BABAM2: variants seen among roughly 807,000 people sequenced by gnomAD.
BABAM2 encodes BRISC and BRCA1-A complex member 2.
Under a neutral mutation model 54.7 loss-of-function variants are expected in BABAM2, and 31 were observed. The ratio of observed to expected loss-of-function variants is 0.57; its 90% confidence interval spans 0.43 to 0.77. The LOEUF (loss-of-function observed/expected upper bound fraction) is 0.77. Ranked by LOEUF, BABAM2 falls within the 30% of genes least tolerant of loss-of-function variation. The pLI, the probability that BABAM2 is intolerant of heterozygous loss-of-function variation, is 0.00. For synonymous variants in BABAM2, 167 were observed against 162.9 expected (o/e 1.03, Z -0.19); for missense variants, 364 against 455.8 (o/e 0.80, Z 1.83).
chr2:28,235,849 G>A (rs1259582452), intron 7 of BABAM2, among the ~76,000 whole-genome samples: 5 of 151,346 alleles, frequency 3.3e-5, no homozygotes, highest in Admixed American at 6.6e-5. Context: ...TTGTAGAGAC[G>A]AAGTCTTCCT....
chr2:28,207,333 G>A (rs1230000717), intron 7 of BABAM2, among the ~76,000 whole-genome samples: 1 of 100,488 alleles, frequency 1.0e-5, no homozygotes, highest in African/African-American at 3.7e-5. Context: ...GCAAGACCTC[G>A]TCTCTAGTTT....
chr2:28,242,537 T>G (rs1307421400), intron 9 of BABAM2, among the ~76,000 whole-genome samples: 2 of 152,208 alleles, frequency 1.3e-5, no homozygotes, highest in Non-Finnish European at 2.9e-5. Context: ...ACTAAGGATT[T>G]TAGAGGTCTG....
At chr2:27,988,291 G>A (rs1672544317) in intron 4 of BABAM2, among the ~76,000 whole-genome samples, 1 of 152,022 alleles carries the variant, frequency 6.6e-6, no homozygotes, top group Admixed American at 6.6e-5. Flanking sequence ...TTTAGTTTCA[G>A]GGTATTTCGA....
chr2:28,026,796 TATATAAAAA>T (rs1200408061), intron 5 of BABAM2, among the ~76,000 whole-genome samples: 23 of 86,724 alleles, frequency 2.7e-4, no homozygotes, highest in Middle Eastern at 5.7e-3. Flanking sequence ...AATATATATT[TATATAAAAA>T]ATATATAAAT....
At chr2:28,295,717 G>A (rs890616966) in intron 10 of BABAM2, among the ~76,000 whole-genome samples, 6 of 151,972 alleles carry the variant, frequency 3.9e-5, no homozygotes, top group Non-Finnish European at 7.4e-5. Flanking sequence ...GGCTGGTCTC[G>A]AACTCCTCAC....
intron 11 of BABAM2, among the ~76,000 whole-genome samples, chr2:28,335,042 T>A (rs1374210174): frequency 6.6e-6 from 1 of 152,200 alleles, no homozygotes; most frequent in Non-Finnish European, 1.5e-5. Context: ...AGGGTGCTTT[T>A]TCTTACTAAC....
intron 4 of BABAM2, among the ~76,000 whole-genome samples, chr2:28,007,287 CAT>C (rs1674047375): frequency 6.6e-6 from 1 of 152,056 alleles, no homozygotes; most frequent in Non-Finnish European, 1.5e-5. Flanking sequence ...TATATTTACT[CAT>C]GTGCACAGGT....
intron 3 of BABAM2, among the ~76,000 whole-genome samples, chr2:27,931,684 A>AGTACCTG (rs1486837861): frequency 6.6e-6 from 1 of 152,132 alleles, no homozygotes; most frequent in South Asian, 2.1e-4. Context: ...ATTCTTAGTA[A>AGTACCTG]GTACCTGGTA....
intron 3 of BABAM2, among the ~76,000 whole-genome samples, chr2:27,983,942 C>CTATTTTTTTTTTTTTTTTT (rs1553405758): frequency 3.2e-5 from 1 of 31,138 alleles, no homozygotes; most frequent in Non-Finnish European, 6.5e-5. Context: ...CATTTTGTAC[C>CTATTTTTTTTTTTTTTTTT]TTTTTTTTTT....
chr2:28,249,461 A>G (rs2148095695), intron 10 of BABAM2, among the ~76,000 whole-genome samples: 1 of 152,286 alleles, frequency 6.6e-6, no homozygotes, highest in Middle Eastern at 3.4e-3. Flanking sequence ...CAGCAGAGAC[A>G]GTATATGGTT....
At chr2:27,989,100 A>G (rs1341418783) in intron 4 of BABAM2, among the ~76,000 whole-genome samples, 1 of 152,106 alleles carries the variant, frequency 6.6e-6, no homozygotes, top group African/African-American at 2.4e-5. Flanking sequence ...ATTGAACATC[A>G]GCTGTAATTT....
chr2:28,118,718 T>C (rs1431251015), intron 6 of BABAM2, among the ~76,000 whole-genome samples: 1 of 151,904 alleles, frequency 6.6e-6, no homozygotes, highest in Admixed American at 6.6e-5. Flanking sequence ...AGAAGCTCTT[T>C]AGTTTAATTA....
At chr2:28,078,137 T>G (rs1664851666) in intron 6 of BABAM2, among the ~76,000 whole-genome samples, 1 of 152,134 alleles carries the variant, frequency 6.6e-6, no homozygotes, top group South Asian at 2.1e-4. Flanking sequence ...TGAATTGTCC[T>G]TTTGTCCAGC....
intron 6 of BABAM2, among the ~76,000 whole-genome samples, chr2:28,052,401 C>T (rs1678069414): frequency 6.6e-6 from 1 of 151,396 alleles, no homozygotes; most frequent in Non-Finnish European, 1.5e-5. Flanking sequence ...AATTCTCATA[C>T]CTCAGCTTCC....
Position 28,201,948 on chromosome 2 carries a change from G to A in BABAM2, c.681-35254G>A, listed in dbSNP as rs565254277. Among the ~76,000 whole-genome samples the A allele has an allele frequency of 4.7e-3, 708 of 151,996 alleles. 12 individuals are homozygous for A. Among genetic ancestry groups the A allele is most frequent in the African/African-American group, 0.016 (654 of 41,420 alleles). ...AGTACAGATACAGAACCGGTGTTCTGTCATTTGGGAAATCATATGGGATGA... is the reference window on the plus strand; with the variant it reads ...AGTACAGATACAGAACCGGTGTTCTATCATTTGGGAAATCATATGGGATGA... On this transcript the variant is annotated intron_variant, in intron 7 of 11. Coordinates refer to ENST00000379624, the MANE Select transcript of BABAM2 (RefSeq NM_199191.3).
intron 10 of BABAM2, among the ~76,000 whole-genome samples, chr2:28,255,342 C>A (rs1683880028): frequency 6.6e-6 from 1 of 151,554 alleles, no homozygotes; most frequent in South Asian, 2.1e-4. Flanking sequence ...GGTGCAATCT[C>A]AGCTCACTGC....
intron 7 of BABAM2, among the ~76,000 whole-genome samples, chr2:28,187,377 G>C (rs1676424865): frequency 6.6e-6 from 1 of 152,156 alleles, no homozygotes; most frequent in African/African-American, 2.4e-5. Flanking sequence ...TTTGTTGCAT[G>C]AGTGGATTCT....
intron 7 of BABAM2, among the ~76,000 whole-genome samples, chr2:28,201,121 C>G (rs909112877): frequency 7.9e-5 from 12 of 152,088 alleles, no homozygotes; most frequent in African/African-American, 2.9e-4. Context: ...TTGGTAATAA[C>G]CAAGGATCCG....
At chr2:28,093,062 T>C (rs913938645) in intron 6 of BABAM2, among the ~76,000 whole-genome samples, 1 of 152,140 alleles carries the variant, frequency 6.6e-6, no homozygotes, top group African/African-American at 2.4e-5. Flanking sequence ...CCTATTACAT[T>C]AGTCTCATTG....
Sources: gnomAD v4.1 joint callset for allele counts (sites outside exome capture counted in the v4.1 genomes callset) on GRCh38, gnomAD v4.1.1 for gene constraint, MANE v1.5 for transcripts, NCBI Gene and HGNC (gene_info 2026-07-23, HGNC 2026-07-21) for gene names.